The following CNTNAP5 variants were observed in gnomAD, a reference collection of about 807,000 sequenced individuals.
CNTNAP5 encodes the protein contactin-associated protein-like 5.
In CNTNAP5, 72 loss-of-function variants were observed where a neutral mutation model predicts 150.2. The observed-to-expected ratio is 0.48, with a 90% CI of 0.40 to 0.58. The LOEUF is 0.58. Ranked by LOEUF, CNTNAP5 falls within the 20% of genes least tolerant of loss-of-function variation. The pLI is 0.00. For synonymous variants in CNTNAP5, 672 were observed against 619.8 expected, an observed-to-expected ratio of 1.08 and a Z score of -1.25; for missense variants, 1,636 against 1,626.2, an observed-to-expected ratio of 1.01 and a Z score of -0.10.
chr2:124,705,815 C>A (rs547447538), intron 13 of CNTNAP5, among the ~76,000 whole-genome samples: 17 of 151,724 alleles, frequency 1.1e-4, no homozygotes, highest in Admixed American at 1.1e-3. Flanking sequence ...GTTCAAATAC[C>A]TAGACACTGA....
At chr2:124,683,795 G>T (rs1679123748) in intron 13 of CNTNAP5, among the ~76,000 whole-genome samples, 1 of 151,930 alleles carries the variant, frequency 6.6e-6, no homozygotes, top group African/African-American at 2.4e-5. Flanking sequence ...CCCTCTTCAA[G>T]ACAAAAACAG....
At chr2:124,854,224 C>T (rs769358173) in intron 19 of CNTNAP5, among the ~76,000 whole-genome samples, 15 of 152,118 alleles carry the variant, frequency 9.9e-5, no homozygotes, top group South Asian at 2.1e-4. Context: ...TCTGCTTATA[C>T]GTCCATTCCT....
intron 1 of CNTNAP5, among the ~76,000 whole-genome samples, chr2:124,132,477 G>A (rs1052598755): frequency 7.9e-5 from 12 of 152,058 alleles, no homozygotes; most frequent in African/African-American, 2.9e-4. Flanking sequence ...GCTTCCAAAT[G>A]AGCTATCTGA....
In CNTNAP5 at chr2:124,121,556, CT is replaced by C. The variant is rs1376020738; in HGVS notation, c.82+95828del. On this transcript the variant is annotated intron_variant, in intron 1 of 23. Transcript: ENST00000682447. ...TATTGCCTATGTCTGACTTCCAGGACTTTTATCATCATTGGGGAGAGATTCA... is the reference window on the plus strand; with the variant it reads ...TATTGCCTATGTCTGACTTCCAGGACTTTATCATCATTGGGGAGAGATTCA... 2.0e-5 allele frequency among the ~76,000 whole-genome samples: 3 copies of C among 152,290 alleles called. No individual in the cohort carries two copies. The East Asian group carries it at 5.8e-4, about 29-fold the overall frequency.
intron 21 of CNTNAP5, among the ~76,000 whole-genome samples, chr2:124,883,211 A>T (rs1190630941): frequency 2.6e-5 from 4 of 151,740 alleles, no homozygotes; most frequent in African/African-American, 9.7e-5. Flanking sequence ...ACAAGGTCAT[A>T]CTGCCAAGTA....
chr2:124,322,286 C>T (rs547421607), intron 3 of CNTNAP5, among the ~76,000 whole-genome samples: 4 of 152,188 alleles, frequency 2.6e-5, no homozygotes, highest in East Asian at 3.9e-4. Context: ...TATTCTCATT[C>T]GACAGATGAC....
intron 1 of CNTNAP5, among the ~76,000 whole-genome samples, chr2:124,120,433 C>G (rs1367442346): frequency 2.0e-5 from 3 of 152,170 alleles, no homozygotes; most frequent in Non-Finnish European, 4.4e-5. Flanking sequence ...GACAAGTACT[C>G]TTTGACTCAG....
At chr2:124,691,766 A>G (rs1163233686) in intron 13 of CNTNAP5, among the ~76,000 whole-genome samples, 1 of 151,988 alleles carries the variant, frequency 6.6e-6, no homozygotes, top group Non-Finnish European at 1.5e-5. Context: ...TTCTGCACAC[A>G]CTATTGTACT....
At chr2:124,572,475 A>C (rs940727652) in intron 11 of CNTNAP5, among the ~76,000 whole-genome samples, 1 of 152,234 alleles carries the variant, frequency 6.6e-6, no homozygotes. Context: ...AAATTTAAAA[A>C]GGAAGAAAGT....
At chr2:124,911,192 A>C (rs146427767) in intron 22 of CNTNAP5, among the ~76,000 whole-genome samples, 1 of 152,056 alleles carries the variant, frequency 6.6e-6, no homozygotes, top group East Asian at 2.0e-4. Flanking sequence ...GGGTGAGGGC[A>C]TGTGGACAGG....
chr2:124,902,381 T>C (rs1246389350), intron 21 of CNTNAP5, among the ~76,000 whole-genome samples: 2 of 152,270 alleles, frequency 1.3e-5, no homozygotes, highest in East Asian at 1.9e-4. Context: ...TTAAAATAAT[T>C]TACACAATAA....
At chr2:124,694,812 T>C (rs953479679) in intron 13 of CNTNAP5, among the ~76,000 whole-genome samples, 7 of 152,198 alleles carry the variant, frequency 4.6e-5, no homozygotes, top group African/African-American at 1.7e-4. Context: ...AACCTACAGT[T>C]AACAATTGTT....
intron 7 of CNTNAP5, among the ~76,000 whole-genome samples, chr2:124,494,624 T>A (rs989412118): frequency 6.6e-6 from 1 of 152,206 alleles, no homozygotes; most frequent in African/African-American, 2.4e-5. Flanking sequence ...CTTACTGTTA[T>A]AATGACTTGT....
At chr2:124,859,212 G>GA (rs1248301222) in intron 19 of CNTNAP5, among the ~76,000 whole-genome samples, 3 of 151,796 alleles carry the variant, frequency 2.0e-5, no homozygotes, top group Non-Finnish European at 4.4e-5. Flanking sequence ...AAATTTACAA[G>GA]AAAAAAACAA....
intron 13 of CNTNAP5, among the ~76,000 whole-genome samples, chr2:124,708,394 C>G (rs958211997): frequency 6.6e-6 from 1 of 152,164 alleles, no homozygotes; most frequent in Non-Finnish European, 1.5e-5. Flanking sequence ...TGGTAGTTCT[C>G]AAAAGCAGAG....
chr2:124,466,947 T>G (rs1693391894), intron 6 of CNTNAP5, among the ~76,000 whole-genome samples: 1 of 152,128 alleles, frequency 6.6e-6, no homozygotes, highest in African/African-American at 2.4e-5. Context: ...AAATTAAAAA[T>G]GATTAAAAAC....
intron 8 of CNTNAP5, among the ~76,000 whole-genome samples, chr2:124,513,980 T>C (rs74654536): frequency 6.6e-6 from 1 of 152,354 alleles, no homozygotes; most frequent in East Asian, 1.9e-4. Flanking sequence ...CATCCTCTGC[T>C]TCAATTAAGT....
At chr2:124,531,030 T>C (rs1258022963) in intron 10 of CNTNAP5, among the ~76,000 whole-genome samples, 3 of 152,024 alleles carry the variant, frequency 2.0e-5, no homozygotes, top group Non-Finnish European at 4.4e-5. Context: ...ATTATTACAT[T>C]GTAATATATA....
intron 1 of CNTNAP5, among the ~76,000 whole-genome samples, chr2:124,128,886 G>T (rs900096151): frequency 7.9e-5 from 12 of 152,024 alleles, no homozygotes; most frequent in African/African-American, 2.9e-4. Flanking sequence ...ACAGGGTGGG[G>T]AACATCACAC....
Sources: allele counts gnomAD v4.1 joint callset (sites outside exome capture counted in the v4.1 genomes callset), GRCh38; gene constraint gnomAD v4.1.1; transcripts MANE v1.5; gene names NCBI Gene and HGNC (gene_info 2026-07-23, HGNC 2026-07-21).